Variants in DIPK1A observed in about 807,000 individuals in gnomAD.
DIPK1A encodes the protein family with sequence similarity 69 member A.
In DIPK1A, 27 loss-of-function variants were observed where a neutral mutation model predicts 40.8. The observed-to-expected ratio is 0.66, with a 90% CI of 0.49 to 0.91. The LOEUF (loss-of-function observed/expected upper bound fraction) is 0.91, where lower values mean the gene tolerates loss of function less well. Ranked by LOEUF, DIPK1A falls within the 40% of genes least tolerant of loss-of-function variation. The pLI is 0.00. For synonymous variants in DIPK1A, 166 were observed against 171.3 expected, an observed-to-expected ratio of 0.97 and a Z score of 0.24; for missense variants, 412 against 505.7, an observed-to-expected ratio of 0.81 and a Z score of 1.78.
chr1:92,878,692 G>C lies in DIPK1A; in HGVS notation c.55-2262C>G, dbSNP rs1327871327. 3.3e-5 allele frequency among the ~76,000 whole-genome samples: 5 copies of C among 152,002 alleles called. 1 individual carries two copies. Among genetic ancestry groups the C allele is most frequent in the African/African-American group, 4.8e-5 (2 of 41,372 alleles). ...AAAATTAGCCGGGCGAGGTGGCGGG[G>C]GCCTGTAGTCCCAGCTACTCGGGAG... On this transcript the variant is annotated intron_variant, in intron 1 of 4. Transcript: ENST00000370310.
chr1:92,948,156 A>G, intron 1 of DIPK1A, among the ~76,000 whole-genome samples: 1 of 152,186 alleles, frequency 6.6e-6, no homozygotes, highest in East Asian at 1.9e-4. Context: ...GTACAATAGG[A>G]AAAAATATAA....
At chr1:92,921,536 G>A (rs1202775312) in intron 1 of DIPK1A, among the ~76,000 whole-genome samples, 7 of 152,232 alleles carry the variant, frequency 4.6e-5, no homozygotes, top group Non-Finnish European at 1.0e-4. Context: ...TACATCCTAA[G>A]TGCTTTTGAG....
chr1:92,925,411 A>T (rs565226460), intron 1 of DIPK1A, among the ~76,000 whole-genome samples: 86 of 152,280 alleles, frequency 5.6e-4, no homozygotes, highest in Admixed American at 5.4e-3. Context: ...CTGGGCCTGA[A>T]GTTTTCTTTG....
At chr1:92,889,867 C>T (rs1648778810) in intron 1 of DIPK1A, among the ~76,000 whole-genome samples, 1 of 152,112 alleles carries the variant, frequency 6.6e-6, no homozygotes, top group Non-Finnish European at 1.5e-5. Flanking sequence ...CCAGGCTGGT[C>T]TTGAACTACT....
downstream of DIPK1A, among the ~76,000 whole-genome samples, chr1:92,841,295 T>A (rs980330032): frequency 1.3e-5 from 2 of 152,228 alleles, no homozygotes; most frequent in African/African-American, 2.4e-5. Flanking sequence ...GTGCCTGGCT[T>A]ATTTCACTGA....
At chr1:92,906,973 A>G (rs1011118672) in intron 1 of DIPK1A, among the ~76,000 whole-genome samples, 15 of 152,242 alleles carry the variant, frequency 9.9e-5, no homozygotes, top group African/African-American at 3.6e-4. Flanking sequence ...AAAAGAAGTC[A>G]GTGTCTGGGT....
intron 1 of DIPK1A, among the ~76,000 whole-genome samples, chr1:92,914,863 A>T (rs1221199348): frequency 6.9e-6 from 1 of 144,422 alleles, no homozygotes; most frequent in Admixed American, 6.8e-5. Context: ...AGGTGGGGGG[A>T]TTGCTTAAGG....
chr1:92,845,236 C>T (rs1234944394), intron 4 of DIPK1A, among the ~76,000 whole-genome samples: 13 of 150,438 alleles, frequency 8.6e-5, no homozygotes, highest in East Asian at 7.8e-4. Flanking sequence ...CGTGAGCCAC[C>T]GCGCCCGGCC....
chr1:92,941,515 G>C (rs1309875317), intron 1 of DIPK1A, among the ~76,000 whole-genome samples: 1 of 152,172 alleles, frequency 6.6e-6, no homozygotes, highest in Non-Finnish European at 1.5e-5. Flanking sequence ...CATTCCCTGA[G>C]ACAGTATTTC....
chr1:92,877,515 T>C (rs115137313), intron 1 of DIPK1A, among the ~76,000 whole-genome samples: 245 of 152,066 alleles, frequency 1.6e-3, no homozygotes, highest in Non-Finnish European at 2.8e-3. Flanking sequence ...AGACAATGAG[T>C]GCAAAGGAAA....
rs1452041081 is a variant in DIPK1A at position 92,835,150 on chromosome 1, G to A, written c.475-2116C>T. The A allele has an allele frequency of 8.6e-6, 5 of 580,708 alleles. No homozygotes were observed. In the African/African-American group the frequency reaches 9.4e-5, roughly 11 times the overall value. The allele number at this position is 580,708 out of a possible 1,614,324, so 36.0% of individuals were successfully genotyped here. On this transcript the variant is annotated intron_variant, in intron 4 of 4. Coordinates refer to the DIPK1A transcript ENST00000615519. ...GTTTTGCCACTAGCGACCTGCAGCT[G>A]TTGAGTTCCAGCAGTATGTAAACTT...
chr1:92,836,070 G>T (rs1427223895), intron 4 of DIPK1A: 1 of 859,628 alleles, frequency 1.2e-6, no homozygotes, highest in Non-Finnish European at 2.0e-6. Context: ...GAAAGGGTGG[G>T]TGTGGAAGGA....
intron 1 of DIPK1A, among the ~76,000 whole-genome samples, chr1:92,920,763 C>T (rs1445533268): frequency 6.6e-6 from 1 of 152,182 alleles, no homozygotes; most frequent in Non-Finnish European, 1.5e-5. Flanking sequence ...AATCTAAGCA[C>T]ATAAGCTAGG....
chr1:92,899,706 T>G (rs1488794570), intron 1 of DIPK1A, among the ~76,000 whole-genome samples: 1 of 152,214 alleles, frequency 6.6e-6, no homozygotes, highest in African/African-American at 2.4e-5. Flanking sequence ...CTTTTCTTGT[T>G]CTCCTTCATG....
At chr1:92,946,604 T>C (rs1177681928) in intron 1 of DIPK1A, among the ~76,000 whole-genome samples, 1 of 152,198 alleles carries the variant, frequency 6.6e-6, no homozygotes, top group Non-Finnish European at 1.5e-5. Context: ...AAATATTCAT[T>C]TTTTAACACC....
At chr1:92,867,396 G>A (rs1647600468) in intron 2 of DIPK1A, among the ~76,000 whole-genome samples, 1 of 151,816 alleles carries the variant, frequency 6.6e-6, no homozygotes, top group Admixed American at 6.6e-5. Flanking sequence ...GCAATGGATG[G>A]GACCCTTCAC....
chr1:92,918,125 A>AT (rs1441971348), intron 1 of DIPK1A, among the ~76,000 whole-genome samples: 3 of 152,096 alleles, frequency 2.0e-5, no homozygotes, highest in Non-Finnish European at 4.4e-5. Context: ...CTTAAAGATG[A>AT]TTACTTGTTG....
At chr1:92,847,142 G>T in intron 4 of DIPK1A, 41 bp downstream of exon 4, 1 of 1,327,610 alleles carries the variant, frequency 7.5e-7, no homozygotes, top group South Asian at 1.6e-5. Flanking sequence ...CCTCTAAAGA[G>T]TCCCACTTCA....
Position 92,846,857 on chromosome 1 carries a change from ATGTG to A in DIPK1A, c.474+322_474+325del, listed in dbSNP as rs370394633. ...TATATATATATGTGTGTATATATATATGTGTGTATATATATATATATATATACAC... is the reference window on the plus strand; with the variant it reads ...TATATATATATGTGTGTATATATATATGTATATATATATATATATATACAC... On this transcript the variant is annotated intron_variant, in intron 4 of 4. Coordinates refer to ENST00000370310, the MANE Select transcript of DIPK1A (RefSeq NM_001006605.5). Among the ~76,000 whole-genome samples, 13 of 6,032 alleles carry A rather than the reference ATGTG, an allele frequency of 2.2e-3. 4 individuals carry two copies. Among genetic ancestry groups the A allele is most frequent in the Non-Finnish European group, 2.8e-3 (12 of 4,360 alleles). The allele number at this position is 6,032 out of a possible 152,430, so 4.0% of individuals were successfully genotyped here.
Sources: gnomAD v4.1 joint callset for allele counts (sites outside exome capture counted in the v4.1 genomes callset) on GRCh38, gnomAD v4.1.1 for gene constraint, MANE v1.5 for transcripts, NCBI Gene and HGNC (gene_info 2026-07-23, HGNC 2026-07-21) for gene names.